PTPRD: variants seen among roughly 807,000 people sequenced by gnomAD.
The protein encoded by PTPRD is receptor-type tyrosine-protein phosphatase delta.
Under a neutral mutation model 214.5 loss-of-function variants are expected in PTPRD, and 34 were observed. The ratio of observed to expected loss-of-function variants is 0.16; its 90% CI spans 0.12 to 0.21. The LOEUF (loss-of-function observed/expected upper bound fraction) is 0.21. PTPRD is among the 10% of genes least tolerant of loss of function. PTPRD has a pLI of 1.00. For synonymous variants in PTPRD, 1,128 were observed against 845.7 expected (o/e 1.33, Z -5.79); for missense variants, 2,545 against 2,398.7 (o/e 1.06, Z -1.27).
intron 3 of PTPRD, among the ~76,000 whole-genome samples, chr9:10,227,937 A>C (rs1205283897): frequency 6.6e-6 from 1 of 151,962 alleles, no homozygotes; most frequent in Non-Finnish European, 1.5e-5. Context: ...CTAACTACTC[A>C]AAACTCTTTC....
intron 11 of PTPRD, among the ~76,000 whole-genome samples, chr9:8,916,470 G>T (rs1222853983): frequency 3.3e-5 from 5 of 152,096 alleles, no homozygotes; most frequent in Non-Finnish European, 7.4e-5. Flanking sequence ...GAAATAAGGG[G>T]TGTTCCCTAG....
chr9:8,653,506 A>G (rs981576110), intron 12 of PTPRD, among the ~76,000 whole-genome samples: 1 of 152,160 alleles, frequency 6.6e-6, no homozygotes, highest in East Asian at 1.9e-4. Flanking sequence ...ACCCTTTAGT[A>G]TATTTCCACA....
chr9:8,767,838 T>A (rs1212901792), intron 11 of PTPRD, among the ~76,000 whole-genome samples: 3 of 152,156 alleles, frequency 2.0e-5, no homozygotes, highest in African/African-American at 7.2e-5. Flanking sequence ...AACCACTCAG[T>A]ATGGTCTCAT....
chr9:9,983,863 G>C (rs1383814060), intron 4 of PTPRD, among the ~76,000 whole-genome samples: 1 of 152,090 alleles, frequency 6.6e-6, no homozygotes, highest in Non-Finnish European at 1.5e-5. Context: ...TAATGACACA[G>C]GTAGCAGTTC....
intron 11 of PTPRD, among the ~76,000 whole-genome samples, chr9:8,758,377 T>A (rs1198613346): frequency 2.6e-5 from 4 of 152,152 alleles, no homozygotes; most frequent in Non-Finnish European, 5.9e-5. Flanking sequence ...CTCTGTGAGT[T>A]CAGGATGGGA....
intron 5 of PTPRD, among the ~76,000 whole-genome samples, chr9:9,933,715 G>T (rs1344232917): frequency 1.4e-5 from 2 of 146,350 alleles, no homozygotes; most frequent in African/African-American, 2.7e-5. Flanking sequence ...ACTCAGCTCT[G>T]CACCAAGCGG....
intron 10 of PTPRD, among the ~76,000 whole-genome samples, chr9:9,108,558 T>TATGCCAC (rs1248652841): frequency 6.6e-6 from 1 of 152,150 alleles, no homozygotes; most frequent in East Asian, 1.9e-4. Flanking sequence ...CCAGGCTGCT[T>TATGCCAC]TTATCTTGGG....
chr9:10,440,511 G>T (rs980261268), intron 2 of PTPRD, among the ~76,000 whole-genome samples: 3 of 151,626 alleles, frequency 2.0e-5, no homozygotes, highest in African/African-American at 7.3e-5. Context: ...GAGATAAATG[G>T]ATAAGAAAAA....
intron 2 of PTPRD, among the ~76,000 whole-genome samples, chr9:10,488,038 G>A (rs2099144555): frequency 6.8e-6 from 1 of 147,626 alleles, no homozygotes; most frequent in African/African-American, 2.6e-5. Context: ...GGGGGGTGGT[G>A]TGACACAAGC....
At chr9:10,000,868 C>A (rs1379896205) in intron 4 of PTPRD, among the ~76,000 whole-genome samples, 2 of 152,106 alleles carry the variant, frequency 1.3e-5, no homozygotes. Flanking sequence ...TGGTGGCCTG[C>A]ATTTGCATAT....
intron 8 of PTPRD, among the ~76,000 whole-genome samples, chr9:9,465,961 A>G (rs1360272908): frequency 1.3e-5 from 2 of 151,990 alleles, no homozygotes; most frequent in South Asian, 2.1e-4. Flanking sequence ...ATTTTTTGCC[A>G]GAGATTTCAC....
intron 11 of PTPRD, among the ~76,000 whole-genome samples, chr9:8,966,948 C>G (rs113944513): frequency 2.0e-5 from 3 of 151,480 alleles, no homozygotes; most frequent in South Asian, 2.1e-4. Flanking sequence ...AAACAACAAA[C>G]AAACAAAATA....
intron 3 of PTPRD, among the ~76,000 whole-genome samples, chr9:10,061,150 T>A (rs933008778): frequency 9.2e-5 from 14 of 151,808 alleles, no homozygotes; most frequent in African/African-American, 2.7e-4. Context: ...AGAAAAGAAA[T>A]ACTTGCTCAT....
intron 2 of PTPRD, among the ~76,000 whole-genome samples, chr9:10,465,237 G>C (rs1474406765): frequency 6.6e-6 from 1 of 152,078 alleles, no homozygotes; most frequent in African/African-American, 2.4e-5. Flanking sequence ...ACATTTGTTT[G>C]CTTATAACAA....
intron 33 of PTPRD, among the ~76,000 whole-genome samples, chr9:8,450,411 G>C (rs2095890857): frequency 6.6e-6 from 1 of 151,980 alleles, no homozygotes; most frequent in African/African-American, 2.4e-5. Flanking sequence ...AGGTAAAACA[G>C]AACTCCCCTT....
intron 8 of PTPRD, among the ~76,000 whole-genome samples, chr9:9,418,717 T>G (rs1012252593): frequency 2.6e-5 from 4 of 152,000 alleles, no homozygotes; most frequent in Non-Finnish European, 4.4e-5. Context: ...ATCCATTTAC[T>G]GTCTATACAA....
At chr9:9,829,973 T>C (rs1475699423) in intron 5 of PTPRD, among the ~76,000 whole-genome samples, 2 of 151,812 alleles carry the variant, frequency 1.3e-5, no homozygotes, top group African/African-American at 4.8e-5. Context: ...GACTTTCTTT[T>C]GCATGCTTAT....
intron 36 of PTPRD, among the ~76,000 whole-genome samples, chr9:8,404,222 G>C (rs970296541): frequency 6.6e-6 from 1 of 152,146 alleles, no homozygotes; most frequent in Non-Finnish European, 1.5e-5. Flanking sequence ...CCCGCCTCCT[G>C]GGTTCAAGTG....
intron 10 of PTPRD, among the ~76,000 whole-genome samples, chr9:9,148,131 C>G (rs1020664924): frequency 3.3e-5 from 5 of 152,124 alleles, no homozygotes; most frequent in African/African-American, 1.2e-4. Flanking sequence ...AAGAAAATTA[C>G]GAGCACTGGT....
Sources: allele counts gnomAD v4.1 joint callset (sites outside exome capture counted in the v4.1 genomes callset), GRCh38; gene constraint gnomAD v4.1.1; transcripts MANE v1.5; gene names NCBI Gene and HGNC (gene_info 2026-07-23, HGNC 2026-07-21).